The following ZFHX3 variants were observed in gnomAD, a reference collection of about 807,000 sequenced individuals.
ZFHX3 encodes the protein zinc finger homeobox 3.
In ZFHX3, 42 loss-of-function variants were observed where a neutral mutation model predicts 279.1. The ratio of observed to expected loss-of-function variants is 0.15; its 90% CI spans 0.12 to 0.19. The LOEUF (loss-of-function observed/expected upper bound fraction) is 0.19, where lower values mean the gene tolerates loss of function less well. Among genes scored for constraint, ZFHX3 ranks in the 10% least tolerant of loss-of-function variants. The pLI, the probability that ZFHX3 is intolerant of heterozygous loss-of-function variation, is 1.00. For missense variants in ZFHX3, 4,981 were observed against 4,754.0 expected (o/e 1.05, Z -1.40); for synonymous variants, 2,293 against 1,957.8 (o/e 1.17, Z -4.52).
intron 1 of ZFHX3, among the ~76,000 whole-genome samples, chr16:73,057,142 T>G (rs889733582): frequency 4.6e-5 from 7 of 152,188 alleles, no homozygotes; most frequent in African/African-American, 1.7e-4. Flanking sequence ...CAATAAAAAT[T>G]GTCATATTTA....
intron 1 of ZFHX3, among the ~76,000 whole-genome samples, chr16:73,848,666 C>A (rs886954442): frequency 6.6e-6 from 1 of 152,142 alleles, no homozygotes; most frequent in African/African-American, 2.4e-5. Flanking sequence ...ATGTTAGATA[C>A]CATCTAATCA....
chr16:73,613,907 G>C (rs934550673), intron 2 of ZFHX3, among the ~76,000 whole-genome samples: 1 of 152,192 alleles, frequency 6.6e-6, no homozygotes, highest in Non-Finnish European at 1.5e-5. Flanking sequence ...ACTAACACCA[G>C]CCTCTGGCAT....
At chr16:73,294,886 C>T (rs200595150) in intron 4 of ZFHX3, among the ~76,000 whole-genome samples, 5 of 151,648 alleles carry the variant, frequency 3.3e-5, no homozygotes, top group East Asian at 3.9e-4. Context: ...TGAATTCTTA[C>T]GGTTTTCTTT....
At chr16:72,997,790 A>C (rs920619763) in intron 1 of ZFHX3, among the ~76,000 whole-genome samples, 1 of 152,180 alleles carries the variant, frequency 6.6e-6, no homozygotes, top group South Asian at 2.1e-4. Context: ...ATGTTAAAAA[A>C]GGGGAGGGGC....
At chr16:73,172,931 G>GTTTTTTTTTTTTTTT (rs376709821) in intron 5 of ZFHX3, among the ~76,000 whole-genome samples, 6 of 97,152 alleles carry the variant, frequency 6.2e-5, no homozygotes, top group Non-Finnish European at 9.7e-5. Context: ...GCTGCCTGTG[G>GTTTTTTTTTTTTTTT]TTTTTTTTTT....
chr16:73,849,335 C>T (rs1472201227), intron 1 of ZFHX3, among the ~76,000 whole-genome samples: 1 of 152,186 alleles, frequency 6.6e-6, no homozygotes, highest in Non-Finnish European at 1.5e-5. Flanking sequence ...ACCTTTATTG[C>T]ACTTCACTTC....
At chr16:72,990,331 C>T (rs1321206582) in intron 1 of ZFHX3, among the ~76,000 whole-genome samples, 3 of 152,174 alleles carry the variant, frequency 2.0e-5, no homozygotes, top group African/African-American at 7.2e-5. Flanking sequence ...AGAGAGAACA[C>T]AGAGTTTCGA....
chr16:73,724,054 A>G (rs2053498217), intron 1 of ZFHX3, among the ~76,000 whole-genome samples: 1 of 152,244 alleles, frequency 6.6e-6, no homozygotes, highest in African/African-American at 2.4e-5. Flanking sequence ...ATTCCTCTTA[A>G]AAAGCTGTCC....
chr16:73,552,147 C>T lies in ZFHX3; in HGVS notation c.-1546-95889G>A, dbSNP rs1372968914. Among the ~76,000 whole-genome samples, 8 of 152,226 alleles carry T rather than the reference C, an allele frequency of 5.3e-5. No homozygotes were observed. The East Asian group carries it at 1.4e-3, about 26-fold the overall frequency. On this transcript the variant is annotated intron_variant, in intron 2 of 17. Coordinates refer to the ZFHX3 transcript ENST00000641206. ...CAGCCCTAACTCAAGAAATAAATTGCATTGATCTGGTATTTAAAATGGGGC... is the reference window on the plus strand; with the variant it reads ...CAGCCCTAACTCAAGAAATAAATTGTATTGATCTGGTATTTAAAATGGGGC...
At chr16:73,845,015 A>G (rs7195391) in intron 1 of ZFHX3, among the ~76,000 whole-genome samples, 15,610 of 152,072 alleles carry the variant, frequency 0.1, 2,234 homozygotes, top group African/African-American at 0.32. Flanking sequence ...AATGAGGGCT[A>G]AAGAAGGAAG....
intron 3 of ZFHX3, among the ~76,000 whole-genome samples, chr16:72,905,328 T>G (rs2039142208): frequency 6.6e-6 from 1 of 152,156 alleles, no homozygotes; most frequent in Non-Finnish European, 1.5e-5. Flanking sequence ...ATTTTTTTAG[T>G]ATGTGAATCA....
intron 3 of ZFHX3, among the ~76,000 whole-genome samples, chr16:73,337,954 C>T (rs538579324): frequency 1.4e-5 from 2 of 147,960 alleles, no homozygotes; most frequent in South Asian, 4.3e-4. Context: ...TGCTTCCGTT[C>T]TTACACAGTT....
intron 3 of ZFHX3, among the ~76,000 whole-genome samples, chr16:72,919,578 A>G (rs1452790512): frequency 6.6e-6 from 1 of 151,944 alleles, no homozygotes; most frequent in Non-Finnish European, 1.5e-5. Context: ...TTTTTAAGGC[A>G]GTACAGAAAG....
chr16:73,495,675 G>A (rs992129567), intron 2 of ZFHX3, among the ~76,000 whole-genome samples: 1 of 152,124 alleles, frequency 6.6e-6, no homozygotes. Flanking sequence ...CTGAAAAGAC[G>A]TTAAGGCTCA....
intron 3 of ZFHX3, among the ~76,000 whole-genome samples, chr16:72,928,943 C>G (rs1027973962): frequency 2.0e-5 from 3 of 152,078 alleles, no homozygotes; most frequent in South Asian, 2.1e-4. Flanking sequence ...GGCTGGACAA[C>G]AGAATGAGGC....
intron 1 of ZFHX3, among the ~76,000 whole-genome samples, chr16:72,978,170 T>C (rs1597046213): frequency 6.6e-6 from 1 of 151,988 alleles, no homozygotes; most frequent in South Asian, 2.1e-4. Flanking sequence ...CAGCCTGGGA[T>C]TTTTTTTCTT....
At position 73,325,747 on chromosome 16, in the gene ZFHX3, GA is replaced by G. The variant is rs142285994; in HGVS notation, c.-1290-7412del. ...TCACCTCCAAGAATGATACCGTTAGGAAAAAAAAATCCAGCAATATCAAAGC... is the reference window on the plus strand; with the variant it reads ...TCACCTCCAAGAATGATACCGTTAGGAAAAAAAATCCAGCAATATCAAAGC... On this transcript the variant is annotated intron_variant, in intron 3 of 17. Coordinates refer to the ZFHX3 transcript ENST00000641206. 9.3e-5 allele frequency among the ~76,000 whole-genome samples: 14 copies of G among 150,860 alleles called. No individual in the cohort carries two copies. In the Middle Eastern group the frequency reaches 0.01, roughly 110 times the overall value.
chr16:73,214,798 A>C (rs187627814), intron 5 of ZFHX3, among the ~76,000 whole-genome samples: 21 of 150,644 alleles, frequency 1.4e-4, no homozygotes, highest in Admixed American at 4.0e-4. Flanking sequence ...CTTTCTTCTA[A>C]AGCAGGGCTT....
chr16:73,037,125 C>A (rs1251162843), intron 1 of ZFHX3, among the ~76,000 whole-genome samples: 3 of 152,162 alleles, frequency 2.0e-5, no homozygotes, highest in African/African-American at 7.2e-5. Flanking sequence ...ATATCACAAC[C>A]CGACTATTAA....
Sources: allele counts gnomAD v4.1 joint callset (sites outside exome capture counted in the v4.1 genomes callset), GRCh38; gene constraint gnomAD v4.1.1; transcripts MANE v1.5; gene names NCBI Gene and HGNC (gene_info 2026-07-23, HGNC 2026-07-21).